The following CSMD1 variants were observed in gnomAD, a reference collection of about 807,000 sequenced individuals.
CSMD1 encodes the protein CUB and Sushi multiple domains 1.
A neutral mutation model predicts 417.5 loss-of-function variants in CSMD1; 213 were observed. The ratio of observed to expected loss-of-function variants is 0.51; its 90% CI spans 0.46 to 0.57. CSMD1 has a LOEUF of 0.57. Ranked by LOEUF, CSMD1 falls within the 20% of genes least tolerant of loss-of-function variation. The pLI is 0.00. For missense variants in CSMD1, 6,923 were observed against 4,529.7 expected (o/e 1.53, Z -15.17); for synonymous variants, 2,862 against 1,736.8 (o/e 1.65, Z -16.11).
chr8:3,113,611 C>A (rs1355388349), intron 42 of CSMD1, among the ~76,000 whole-genome samples: 1 of 152,238 alleles, frequency 6.6e-6, no homozygotes. Flanking sequence ...CCCACAACGC[C>A]ACTCTCTATC....
rs188542654 is a variant in CSMD1, at chr8:3,916,159, T to C, written c.818+81744A>G. On this transcript the variant is annotated intron_variant, in intron 5 of 69. Transcript: ENST00000635120. ...GTGAAAAAAAATGCTAAATGCTCTA[T>C]TACTTCAAGAAATTGAAGACAACAA... Among the ~76,000 whole-genome samples, 303 of 152,190 alleles carry C rather than the reference T, an allele frequency of 2.0e-3. 2 individuals carry two copies. Among genetic ancestry groups the C allele is most frequent in the African/African-American group, 6.6e-3 (276 of 41,522 alleles).
At chr8:3,790,766 C>A (rs1296698536) in intron 5 of CSMD1, among the ~76,000 whole-genome samples, 5 of 152,102 alleles carry the variant, frequency 3.3e-5, no homozygotes, top group Admixed American at 1.3e-4. Flanking sequence ...GAAATAACTG[C>A]TGAGTATAGT....
Position 3,684,200 on chromosome 8 carries a change from T to C in CSMD1, c.1009+24214A>G, listed in dbSNP as rs894173219. Reference sequence around the variant, plus strand: ...CATGTTACATGTAATATATATAACATGTAATTATATATAATATATAACATA... The same window carrying C: ...CATGTTACATGTAATATATATAACACGTAATTATATATAATATATAACATA... On this transcript the variant is annotated intron_variant, in intron 7 of 69. Coordinates refer to ENST00000635120, the MANE Select transcript of CSMD1 (RefSeq NM_033225.6). Among the ~76,000 whole-genome samples, 36 of 47,206 alleles carry C rather than the reference T, an allele frequency of 7.6e-4. No homozygotes were observed. In the Admixed American group the frequency reaches 9.7e-3, roughly 13 times the overall value. The allele number at this position is 47,206 out of a possible 152,430, so 31.0% of individuals were successfully genotyped here. A position where few individuals can be genotyped will look rare whatever the true frequency, so the allele number is the denominator to read the frequency against.
chr8:4,221,233 A>C (rs1385673382), intron 3 of CSMD1, among the ~76,000 whole-genome samples: 2 of 152,176 alleles, frequency 1.3e-5, no homozygotes, highest in Non-Finnish European at 1.5e-5. Context: ...AACATATATA[A>C]AATGAAATGT....
intron 2 of CSMD1, among the ~76,000 whole-genome samples, chr8:4,588,877 T>C (rs1350949841): frequency 2.0e-5 from 3 of 152,076 alleles, no homozygotes; most frequent in Non-Finnish European, 2.9e-5. Flanking sequence ...GCGAATGTGA[T>C]GTGGCATTAA....
At chr8:3,684,620 C>G (rs1158820489) in intron 7 of CSMD1, among the ~76,000 whole-genome samples, 1 of 128,334 alleles carries the variant, frequency 7.8e-6, no homozygotes, top group African/African-American at 2.9e-5. Context: ...TTTTTTTAGA[C>G]GGAGTCTCGC....
chr8:3,880,627 G>C (rs1236425638), intron 5 of CSMD1, among the ~76,000 whole-genome samples: 1 of 152,110 alleles, frequency 6.6e-6, no homozygotes, highest in African/African-American at 2.4e-5. Context: ...TTTAAATCTA[G>C]GACATACATG....
intron 5 of CSMD1, among the ~76,000 whole-genome samples, chr8:3,820,485 T>A (rs535927855): frequency 5.3e-5 from 8 of 152,160 alleles, no homozygotes; most frequent in African/African-American, 1.9e-4. Context: ...CACTGGAAGT[T>A]TGTCAGGGTC....
At chr8:3,377,001 G>C (rs1810348297) in intron 18 of CSMD1, among the ~76,000 whole-genome samples, 2 of 152,148 alleles carry the variant, frequency 1.3e-5, no homozygotes, top group Admixed American at 6.5e-5. Flanking sequence ...AAAATTTGTA[G>C]ATTTAGTAAT....
intron 47 of CSMD1, among the ~76,000 whole-genome samples, chr8:3,092,309 T>G (rs1394762063): frequency 2.0e-5 from 3 of 152,064 alleles, no homozygotes; most frequent in Non-Finnish European, 4.4e-5. Context: ...CATAACAGAT[T>G]ATTACTAAAA....
intron 7 of CSMD1, among the ~76,000 whole-genome samples, chr8:3,692,190 C>T (rs1313163979): frequency 2.0e-5 from 3 of 152,192 alleles, no homozygotes; most frequent in Admixed American, 1.3e-4. Flanking sequence ...CCTGACTTTA[C>T]GTTGTTATGC....
At chr8:4,400,140 G>A (rs143210912) in intron 3 of CSMD1, among the ~76,000 whole-genome samples, 1 of 152,072 alleles carries the variant, frequency 6.6e-6, no homozygotes, top group East Asian at 1.9e-4. Context: ...TTTGTATTTG[G>A]GAAAATATAG....
intron 3 of CSMD1, among the ~76,000 whole-genome samples, chr8:4,063,581 T>C (rs1199482296): frequency 6.6e-6 from 1 of 152,178 alleles, no homozygotes; most frequent in Non-Finnish European, 1.5e-5. Context: ...GCAATATTCC[T>C]TGGCACTGAC....
At chr8:3,283,727 GAC>G (rs1342105102) in intron 26 of CSMD1, among the ~76,000 whole-genome samples, 4 of 152,198 alleles carry the variant, frequency 2.6e-5, no homozygotes, top group Non-Finnish European at 5.9e-5. Flanking sequence ...TGAAGACATA[GAC>G]ACACAGGGAA....
intron 5 of CSMD1, among the ~76,000 whole-genome samples, chr8:3,933,625 G>A (rs955634733): frequency 3.3e-5 from 5 of 152,080 alleles, no homozygotes; most frequent in African/African-American, 1.2e-4. Context: ...GTAAGATACT[G>A]TTAGTCTCTA....
intron 3 of CSMD1, among the ~76,000 whole-genome samples, chr8:4,261,361 T>A (rs1308541541): frequency 6.6e-6 from 1 of 152,116 alleles, no homozygotes; most frequent in African/African-American, 2.4e-5. Context: ...AAGAACATCT[T>A]CTCAGAAATA....
intron 7 of CSMD1, among the ~76,000 whole-genome samples, chr8:3,664,255 T>A (rs1048310796): frequency 2.9e-4 from 44 of 152,140 alleles, no homozygotes; most frequent in African/African-American, 1.0e-3. Flanking sequence ...CATTGTTCAA[T>A]TCCCACCTAT....
intron 8 of CSMD1, among the ~76,000 whole-genome samples, chr8:3,608,214 A>G (rs747731959): frequency 1.3e-5 from 2 of 151,332 alleles, no homozygotes; most frequent in African/African-American, 2.4e-5. Flanking sequence ...AAGACAGGAC[A>G]CTGAAGGTGG....
intron 1 of CSMD1, among the ~76,000 whole-genome samples, chr8:4,699,232 A>T (rs1563167540): frequency 6.6e-6 from 1 of 152,216 alleles, no homozygotes; most frequent in African/African-American, 2.4e-5. Flanking sequence ...CTTTGCTTAA[A>T]GGATAACTTT....
Sources: gnomAD v4.1 joint callset for allele counts (sites outside exome capture counted in the v4.1 genomes callset) on GRCh38, gnomAD v4.1.1 for gene constraint, MANE v1.5 for transcripts, NCBI Gene and HGNC (gene_info 2026-07-23, HGNC 2026-07-21) for gene names.